CCDC138: variants seen among roughly 807,000 people sequenced by gnomAD.
The protein encoded by CCDC138 is coiled-coil domain containing 138, also known as coiled-coil domain-containing protein 138.
Under a neutral mutation model 82.3 loss-of-function variants are expected in CCDC138, and 66 were observed. The observed-to-expected ratio is 0.80, with a 90% CI of 0.66 to 0.98. The LOEUF (loss-of-function observed/expected upper bound fraction) is 0.98. Among genes scored for constraint, CCDC138 ranks in the 50% least tolerant of loss-of-function variants. CCDC138 has a pLI of 0.00. For missense variants in CCDC138, 816 were observed against 758.9 expected (o/e 1.08, Z -0.88); for synonymous variants, 297 against 265.4 (o/e 1.12, Z -1.16).
chr2:108,799,315 A>G (rs1213919344), intron 6 of CCDC138, among the ~76,000 whole-genome samples: 4 of 152,222 alleles, frequency 2.6e-5, no homozygotes. Context: ...TACTGTACAT[A>G]TAACTTACTT....
chr2:108,872,424 C>T (rs975060102), intron 13 of CCDC138, among the ~76,000 whole-genome samples: 1 of 152,122 alleles, frequency 6.6e-6, no homozygotes, highest in Admixed American at 6.6e-5. Context: ...GTTTGGTTAC[C>T]CTACTTTTAC....
intron 10 of CCDC138, among the ~76,000 whole-genome samples, chr2:108,828,562 AT>A (rs992525555): frequency 7.2e-5 from 11 of 152,232 alleles, no homozygotes; most frequent in African/African-American, 2.7e-4. Flanking sequence ...TAGTCCAATG[AT>A]TTTTGACAAG....
chr2:108,834,758 C>T lies in CCDC138; in HGVS notation c.1207-4427C>T, dbSNP rs142101393. ...ACCCGTTTAACAATATCTTCCCATT[C>T]CTCCCTCCCCTGTAGACCTTGGTAG... On this transcript the variant is annotated intron_variant, in intron 10 of 14. Coordinates refer to ENST00000295124, the MANE Select transcript of CCDC138 (RefSeq NM_144978.3). Among the ~76,000 whole-genome samples, 223 of 152,304 alleles carry T rather than the reference C, an allele frequency of 1.5e-3. 3 individuals are homozygous for T. The highest frequency in any genetic ancestry group is 5.1e-3 in the African/African-American group (212 of 41,550).
At chr2:108,861,742 A>G (rs765734029) in intron 13 of CCDC138, among the ~76,000 whole-genome samples, 2 of 151,660 alleles carry the variant, frequency 1.3e-5, no homozygotes, top group Non-Finnish European at 2.9e-5. Context: ...CTTCCTCCCA[A>G]AGTGCTGGGA....
chr2:108,815,287 T>C (rs1684568300), intron 9 of CCDC138, among the ~76,000 whole-genome samples: 1 of 151,996 alleles, frequency 6.6e-6, no homozygotes, highest in African/African-American at 2.4e-5. Flanking sequence ...TGCTCTTAAG[T>C]TAAGGCTAAT....
chr2:108,799,933 A>C (rs1681608896), intron 6 of CCDC138, among the ~76,000 whole-genome samples: 1 of 152,124 alleles, frequency 6.6e-6, no homozygotes, highest in Non-Finnish European at 1.5e-5. Flanking sequence ...ATATTTAAAA[A>C]TTCTAAAATT....
At chr2:108,814,426 T>G (rs1415933435) in intron 9 of CCDC138, among the ~76,000 whole-genome samples, 2 of 152,130 alleles carry the variant, frequency 1.3e-5, no homozygotes, top group East Asian at 1.9e-4. Context: ...AGACTTTATA[T>G]TCAGGGACTG....
chr2:108,846,599 C>A, intron 11 of CCDC138, 139 bp from the exon 12 acceptor site: 1 of 647,086 alleles, frequency 1.5e-6, no homozygotes, highest in Non-Finnish European at 2.6e-6. Context: ...ATTGCTTGAG[C>A]CCAGGAGTTT....
intron 5 of CCDC138, 97 bp from the exon 6 acceptor site, chr2:108,798,331 A>C (rs1398951244): frequency 2.4e-5 from 33 of 1,400,752 alleles, no homozygotes; most frequent in Non-Finnish European, 2.7e-5. Flanking sequence ...TGTATTCCTG[A>C]AAACCACTTG....
intron 11 of CCDC138, among the ~76,000 whole-genome samples, chr2:108,843,642 T>G (rs1689890443): frequency 6.6e-6 from 1 of 152,186 alleles, no homozygotes; most frequent in Non-Finnish European, 1.5e-5. Flanking sequence ...ATCTGTCATT[T>G]GAGTTATTTT....
At chr2:108,880,050 CATG>C (rs1449598390), downstream of CCDC138, among the ~76,000 whole-genome samples, 5 of 151,964 alleles carry the variant, frequency 3.3e-5, no homozygotes, top group African/African-American at 1.2e-4. Flanking sequence ...GGAGGCCAGA[CATG>C]ATAAGAAACA....
At chr2:108,821,490 T>G (rs1685696795) in intron 10 of CCDC138, among the ~76,000 whole-genome samples, 2 of 152,096 alleles carry the variant, frequency 1.3e-5, no homozygotes, top group Non-Finnish European at 2.9e-5. Context: ...TGTAATTGAT[T>G]GCAAAGAAAA....
rs1228823752 is a variant in CCDC138, at chr2:108,823,750, G to C, written c.1206+7645G>C. 3.9e-5 allele frequency among the ~76,000 whole-genome samples: 6 copies of C among 152,316 alleles called. No homozygotes were observed. In the East Asian group the frequency reaches 1.2e-3, roughly 29 times the overall value. ...AATCCCAGCACTTTGGGAGGCCAAG[G>C]CAGGCGATTACCTGAGGTCAGGAGT... On this transcript the variant is annotated intron_variant, in intron 10 of 14. Transcript: ENST00000295124.
At position 108,788,714 on chromosome 2, in the gene CCDC138, C is replaced by G. The variant is rs910865235; in HGVS notation, c.152-138C>G. 1.4e-5 allele frequency: 16 copies of G among 1,180,714 alleles called. No individual in the cohort carries two copies. The African/African-American group carries it at 2.5e-4, about 18-fold the overall frequency. The allele number at this position is 1,180,714 out of a possible 1,614,324, so 73.1% of individuals were successfully genotyped here. ...CAGCCTGGGTGACAGAGCGAGACTCCGTCTCAAAGAAAAAAAAAGAAAAAA... is the reference window on the plus strand; with the variant it reads ...CAGCCTGGGTGACAGAGCGAGACTCGGTCTCAAAGAAAAAAAAAGAAAAAA... On this transcript the variant is annotated intron_variant, in intron 2 of 14. Transcript: ENST00000295124.
At chr2:108,806,747 T>C (rs1308136017) in intron 7 of CCDC138, among the ~76,000 whole-genome samples, 1 of 152,228 alleles carries the variant, frequency 6.6e-6, no homozygotes, top group East Asian at 1.9e-4. Flanking sequence ...GAAAAAGATA[T>C]GTTATTTCTG....
chr2:108,829,239 C>T (rs778579896), intron 10 of CCDC138, among the ~76,000 whole-genome samples: 8 of 152,216 alleles, frequency 5.3e-5, no homozygotes, highest in East Asian at 1.9e-4. Flanking sequence ...ATCTGACAAG[C>T]GATTGCTACC....
intron 12 of CCDC138, among the ~76,000 whole-genome samples, chr2:108,853,878 AATATAT>A (rs1691989433): frequency 1.6e-5 from 2 of 124,856 alleles, no homozygotes; most frequent in African/African-American, 3.1e-5. Context: ...TATACTATAT[AATATAT>A]TATATAGTAT....
At chr2:108,862,817 A>T (rs1221001418) in intron 13 of CCDC138, among the ~76,000 whole-genome samples, 1 of 152,034 alleles carries the variant, frequency 6.6e-6, no homozygotes, top group Non-Finnish European at 1.5e-5. Context: ...ACGTGGTTAG[A>T]TACTAGTGCA....
At chr2:108,842,961 A>G (rs993377124) in intron 11 of CCDC138, among the ~76,000 whole-genome samples, 1 of 152,168 alleles carries the variant, frequency 6.6e-6, no homozygotes, top group Admixed American at 6.5e-5. Context: ...TTAGAACCAC[A>G]TTAGAGAATG....
Sources: gnomAD v4.1 joint callset for allele counts (sites outside exome capture counted in the v4.1 genomes callset) on GRCh38, gnomAD v4.1.1 for gene constraint, MANE v1.5 for transcripts, NCBI Gene and HGNC (gene_info 2026-07-23, HGNC 2026-07-21) for gene names.